Variants in CDKAL1 observed in about 807,000 individuals in gnomAD.
The protein encoded by CDKAL1 is CDKAL1 threonylcarbamoyladenosine tRNA methylthiotransferase, also known as threonylcarbamoyladenosine tRNA methylthiotransferase.
Under a neutral mutation model 68.2 loss-of-function variants are expected in CDKAL1, and 32 were observed. The observed-to-expected ratio is 0.47, with a 90% CI of 0.35 to 0.63. The LOEUF (loss-of-function observed/expected upper bound fraction) is 0.63, where lower values mean the gene tolerates loss of function less well. CDKAL1 is among the 30% of genes least tolerant of loss of function. The pLI, the probability that CDKAL1 is intolerant of heterozygous loss-of-function variation, is 0.00. For synonymous variants in CDKAL1, 234 were observed against 244.3 expected, an observed-to-expected ratio of 0.96 and a Z score of 0.39; for missense variants, 606 against 696.7, an observed-to-expected ratio of 0.87 and a Z score of 1.47.
chr6:21,069,882 C>T (rs970250143), intron 12 of CDKAL1, among the ~76,000 whole-genome samples: 7 of 150,164 alleles, frequency 4.7e-5, no homozygotes, highest in Non-Finnish European at 8.9e-5. Context: ...CTCCGCCTCC[C>T]GGGTTCACGC....
At chr6:20,855,941 A>G (rs997529271) in intron 9 of CDKAL1, among the ~76,000 whole-genome samples, 1 of 152,208 alleles carries the variant, frequency 6.6e-6, no homozygotes, top group Admixed American at 6.5e-5. Flanking sequence ...TTTGGTTTGA[A>G]TAGGGCAACA....
chr6:20,853,667 G>A lies in CDKAL1; in HGVS notation c.742+7489G>A, dbSNP rs1015135647. 4.6e-5 allele frequency among the ~76,000 whole-genome samples: 7 copies of A among 152,244 alleles called. No individual in the cohort carries two copies. The South Asian group carries it at 6.2e-4, about 14-fold the overall frequency. On this transcript the variant is annotated intron_variant, in intron 9 of 15. Transcript: ENST00000274695. ...TAAAACCAAAACTAAATGTGTCTGCGTCATAACCCTAACAATTACATCACA... is the reference window on the plus strand; with the variant it reads ...TAAAACCAAAACTAAATGTGTCTGCATCATAACCCTAACAATTACATCACA...
chr6:20,959,081 G>A (rs1426617550), intron 10 of CDKAL1, among the ~76,000 whole-genome samples: 1 of 152,170 alleles, frequency 6.6e-6, no homozygotes, highest in East Asian at 1.9e-4. Flanking sequence ...TTCTTCAAGA[G>A]TCTAGCATTG....
chr6:21,222,181 A>C (rs1036967865), intron 15 of CDKAL1, among the ~76,000 whole-genome samples: 1 of 152,230 alleles, frequency 6.6e-6, no homozygotes, highest in African/African-American at 2.4e-5. Flanking sequence ...CGTGATATTA[A>C]GATTAGACAG....
At chr6:20,554,927 T>C (rs1260036733) in intron 4 of CDKAL1, among the ~76,000 whole-genome samples, 1 of 152,240 alleles carries the variant, frequency 6.6e-6, no homozygotes, top group East Asian at 1.9e-4. Flanking sequence ...AATGGTGTTA[T>C]GTGTACGAAA....
At chr6:21,013,576 G>T (rs2150844817) in intron 11 of CDKAL1, among the ~76,000 whole-genome samples, 1 of 152,286 alleles carries the variant, frequency 6.6e-6, no homozygotes, top group East Asian at 1.9e-4. Context: ...ACTAAGAGCA[G>T]TAAGAAGGAG....
intron 9 of CDKAL1, among the ~76,000 whole-genome samples, chr6:20,923,349 C>T (rs1200236716): frequency 6.6e-6 from 1 of 152,214 alleles, no homozygotes; most frequent in Non-Finnish European, 1.5e-5. Flanking sequence ...ATTCTCTCAG[C>T]ACCGTTTTTT....
intron 4 of CDKAL1, among the ~76,000 whole-genome samples, chr6:20,631,767 A>G (rs575064125): frequency 6.6e-6 from 1 of 152,276 alleles, no homozygotes; most frequent in East Asian, 1.9e-4. Context: ...GTTACAGGAC[A>G]TGTCTCCAGA....
intron 12 of CDKAL1, among the ~76,000 whole-genome samples, chr6:21,075,965 T>C (rs142412239): frequency 1.3e-5 from 2 of 152,288 alleles, no homozygotes; most frequent in East Asian, 3.9e-4. Flanking sequence ...TTTAAGATGT[T>C]AAATTGTGAT....
intron 13 of CDKAL1, among the ~76,000 whole-genome samples, chr6:21,156,026 G>A (rs1175261822): frequency 1.3e-5 from 2 of 152,144 alleles, no homozygotes; most frequent in Non-Finnish European, 2.9e-5. Flanking sequence ...GTGATAGGGA[G>A]GGGAGCGTTC....
At chr6:21,192,346 TTAAA>T (rs1342810590) in intron 13 of CDKAL1, among the ~76,000 whole-genome samples, 3 of 152,126 alleles carry the variant, frequency 2.0e-5, no homozygotes, top group Non-Finnish European at 2.9e-5. Context: ...TAAAATATCT[TTAAA>T]TAACGTTAAA....
chr6:21,209,884 T>C (rs1319837877), intron 15 of CDKAL1, among the ~76,000 whole-genome samples: 1 of 152,146 alleles, frequency 6.6e-6, no homozygotes, highest in African/African-American at 2.4e-5. Flanking sequence ...GAACCACTCT[T>C]CCACACTCAC....
At chr6:21,071,845 G>A (rs1771783507) in intron 12 of CDKAL1, among the ~76,000 whole-genome samples, 1 of 152,120 alleles carries the variant, frequency 6.6e-6, no homozygotes, top group African/African-American at 2.4e-5. Context: ...ATTTCTGCCT[G>A]CCCTTACTTT....
intron 13 of CDKAL1, among the ~76,000 whole-genome samples, chr6:21,171,463 T>C (rs9295500): frequency 0.53 from 81,149 of 151,860 alleles, 22,231 homozygotes; most frequent in African/African-American, 0.63. Context: ...CCGCCCACCT[T>C]GGCCTCCCAA....
chr6:20,566,040 C>T (rs1764447563), intron 4 of CDKAL1, among the ~76,000 whole-genome samples: 2 of 151,828 alleles, frequency 1.3e-5, no homozygotes, highest in African/African-American at 2.4e-5. Context: ...AGTTAAGTGT[C>T]CCAAAAATGG....
At chr6:20,983,636 G>A (rs773149238) in intron 10 of CDKAL1, among the ~76,000 whole-genome samples, 11 of 152,112 alleles carry the variant, frequency 7.2e-5, no homozygotes, top group African/African-American at 1.7e-4. Context: ...CAGGAGAATC[G>A]CTTGAACCCG....
intron 13 of CDKAL1, among the ~76,000 whole-genome samples, chr6:21,150,373 C>T (rs1050975846): frequency 1.3e-5 from 2 of 152,138 alleles, no homozygotes; most frequent in Non-Finnish European, 2.9e-5. Context: ...GCCTCCTTAG[C>T]GATTGTACAA....
rs115588967 is a variant in CDKAL1 at position 20,893,491 on chromosome 6, A to G, written c.742+47313A>G. Among the ~76,000 whole-genome samples, 625 of 152,238 alleles carry G rather than the reference A, an allele frequency of 4.1e-3. 5 individuals are homozygous for G. The highest frequency in any genetic ancestry group is 0.014 in the African/African-American group (596 of 41,532). On this transcript the variant is annotated intron_variant, in intron 9 of 15. Transcript: ENST00000274695. ...TTATTCAGGTGGGGAGGGCCTGACT[A>G]TGGGGGAAGGATAATGTGAATTTCA...
intron 11 of CDKAL1, among the ~76,000 whole-genome samples, chr6:21,035,868 G>C (rs1769553518): frequency 6.6e-6 from 1 of 152,076 alleles, no homozygotes; most frequent in Non-Finnish European, 1.5e-5. Flanking sequence ...TTTAGCACTT[G>C]GAAGGCATTT....
Sources: gnomAD v4.1 joint callset for allele counts (sites outside exome capture counted in the v4.1 genomes callset) on GRCh38, gnomAD v4.1.1 for gene constraint, MANE v1.5 for transcripts, NCBI Gene and HGNC (gene_info 2026-07-23, HGNC 2026-07-21) for gene names.